Variants in HSDL2 observed in about 807,000 individuals in gnomAD.
The protein encoded by HSDL2 is hydroxysteroid dehydrogenase-like protein 2.
Under a neutral mutation model 46.3 loss-of-function variants are expected in HSDL2, and 27 were observed. The observed-to-expected ratio is 0.58, with a 90% CI of 0.43 to 0.80. The LOEUF is 0.80. HSDL2 is among the 30% of genes least tolerant of loss of function. The pLI is 0.00. For synonymous variants in HSDL2, 153 were observed against 163.6 expected, an observed-to-expected ratio of 0.94 and a Z score of 0.50; for missense variants, 451 against 502.7, an observed-to-expected ratio of 0.90 and a Z score of 0.98.
intron 6 of HSDL2, among the ~76,000 whole-genome samples, chr9:112,430,233 G>C (rs377147829): frequency 6.8e-4 from 104 of 152,252 alleles, no homozygotes; most frequent in African/African-American, 2.3e-3. Flanking sequence ...GTTAGTCTTG[G>C]GGGTAATACA....
chr9:112,445,955 G>A (rs971723682), intron 8 of HSDL2, among the ~76,000 whole-genome samples: 2 of 152,172 alleles, frequency 1.3e-5, no homozygotes, highest in African/African-American at 4.8e-5. Context: ...TGGTACATTT[G>A]TTAGAATTGA....
intron 10 of HSDL2, among the ~76,000 whole-genome samples, chr9:112,462,890 C>T (rs1833256190): frequency 6.6e-6 from 1 of 152,168 alleles, no homozygotes; most frequent in South Asian, 2.1e-4. Context: ...AATTTGCTCT[C>T]TGTCTCTATA....
At chr9:112,392,824 G>T (rs1475942985) in intron 1 of HSDL2, among the ~76,000 whole-genome samples, 1 of 152,182 alleles carries the variant, frequency 6.6e-6, no homozygotes, top group Admixed American at 6.5e-5. Context: ...TACATCCTCA[G>T]CTTACAAAGA....
Position 112,438,437 on chromosome 9 carries a change from A to G in HSDL2, c.605A>G (p.His202Arg). Reference protein sequence around the residue: ...VNALWPKTAIHTAAMDMLGGP... With the variant: ...VNALWPKTAIRTAAMDMLGGP... ...GTGTGTGTTTTCTCTACAGCCATAC[A>G]CACTGCTGCTATGGATATGCTGGGA... Residue 202 changes from histidine to arginine, a missense_variant, in exon 7 of 11, where the codon CAC (histidine) becomes CGC (arginine). His to Arg is a conservative substitution (Grantham distance 29, BLOSUM62 0). Coordinates refer to ENST00000398805, the MANE Select transcript of HSDL2 (RefSeq NM_032303.5). 6.3e-7 allele frequency: 1 copy of G among 1,590,286 alleles called. No individual in the cohort carries two copies. The highest frequency in any genetic ancestry group is 8.6e-7 in the Non-Finnish European group (1 of 1,169,298).
At chr9:112,393,760 G>A (rs1261976613) in intron 1 of HSDL2, among the ~76,000 whole-genome samples, 5 of 152,178 alleles carry the variant, frequency 3.3e-5, no homozygotes, top group East Asian at 3.8e-4. Flanking sequence ...TCTTGAGCTC[G>A]AACCAACATT....
chr9:112,410,972 A>G (rs1225243874), intron 4 of HSDL2, among the ~76,000 whole-genome samples: 1 of 152,184 alleles, frequency 6.6e-6, no homozygotes, highest in Non-Finnish European at 1.5e-5. Flanking sequence ...TAGAAGATTT[A>G]TACAAAAGTC....
chr9:112,392,368 G>T (rs182297804), intron 1 of HSDL2, among the ~76,000 whole-genome samples: 1 of 152,124 alleles, frequency 6.6e-6, no homozygotes, highest in Non-Finnish European at 1.5e-5. Context: ...GCAGAGAACC[G>T]GTTGACCACA....
At chr9:112,402,310 A>G (rs1389717637) in intron 1 of HSDL2, among the ~76,000 whole-genome samples, 2 of 152,120 alleles carry the variant, frequency 1.3e-5, no homozygotes. Flanking sequence ...ACTTAATGAA[A>G]TGGGGGGAGG....
At chr9:112,392,003 C>G (rs1348812673) in intron 1 of HSDL2, among the ~76,000 whole-genome samples, 1 of 152,182 alleles carries the variant, frequency 6.6e-6, no homozygotes, top group South Asian at 2.1e-4. Flanking sequence ...TTCTATTTTC[C>G]TTAAGTGTCG....
intron 6 of HSDL2, among the ~76,000 whole-genome samples, chr9:112,437,240 G>A (rs758810368): frequency 3.3e-5 from 5 of 152,006 alleles, no homozygotes; most frequent in Middle Eastern, 3.2e-3. Flanking sequence ...GATTACAGGC[G>A]TGAGCCACCG....
At chr9:112,409,958 A>G (rs1831822421) in intron 4 of HSDL2, among the ~76,000 whole-genome samples, 1 of 152,106 alleles carries the variant, frequency 6.6e-6, no homozygotes, top group Non-Finnish European at 1.5e-5. Context: ...CAGTCCTTTC[A>G]TAGGACTATT....
intron 8 of HSDL2, among the ~76,000 whole-genome samples, chr9:112,443,023 C>T (rs1832674707): frequency 6.6e-6 from 1 of 151,928 alleles, no homozygotes; most frequent in African/African-American, 2.4e-5. Context: ...AGTATTAAAA[C>T]CAGGAAAAAC....
rs1833142507 is a variant in HSDL2 at position 112,459,594 on chromosome 9, ATTAG to A, written c.1144+20_1144+23del. 1 of 1,608,118 alleles carries A rather than the reference ATTAG, an allele frequency of 6.2e-7. No individual in the cohort carries two copies. Among genetic ancestry groups the A allele is most frequent in the East Asian group, 2.2e-5 (1 of 44,762 alleles). On this transcript the variant is annotated intron_variant, in intron 10 of 10. Transcript: ENST00000398805. ...TGTTTTCAGGTGAGTTTTCCAGTTT[ATTAG>A]TTTACCTTATTGTTCAGAGAAAATT...
chr9:112,451,910 T>C (rs1267417964), intron 8 of HSDL2, among the ~76,000 whole-genome samples: 2 of 152,228 alleles, frequency 1.3e-5, no homozygotes, highest in Non-Finnish European at 2.9e-5. Context: ...TGTAATATCA[T>C]CTTTCTTGAC....
intron 1 of HSDL2, among the ~76,000 whole-genome samples, chr9:112,386,025 A>T (rs1251067436): frequency 6.6e-6 from 1 of 151,854 alleles, no homozygotes. Context: ...CACCCACCTC[A>T]GCCTCCCAAA....
In HSDL2 at chr9:112,404,019, T is replaced by TA. The variant is rs764381819; in HGVS notation, c.43dup (p.Ile15AsnfsTer45). ...GGAGGCTGGCAGGATGTACAGTTTT[T>TA]ATCACAGGTGCAAGCCGTGGCATTG... On this transcript the variant is annotated frameshift_variant, in exon 2 of 11. Coordinates refer to ENST00000398805, the MANE Select transcript of HSDL2 (RefSeq NM_032303.5). LOFTEE classifies it high-confidence loss of function. 6.2e-7 allele frequency: 1 copy of TA among 1,614,160 alleles called. No individual in the cohort carries two copies. Among genetic ancestry groups the TA allele is most frequent in the Admixed American group, 1.7e-5 (1 of 60,014 alleles).
chr9:112,418,950 C>T lies in HSDL2; in HGVS notation c.590C>T (p.Pro197Leu), dbSNP rs778867543. 24 of 1,563,706 alleles carry T rather than the reference C, an allele frequency of 1.5e-5. No individual in the cohort carries two copies. The highest frequency in any genetic ancestry group is 2.0e-5 in the Non-Finnish European group (23 of 1,137,358). The change falls in exon 6 of 11, where the codon CCT (proline) becomes CTT (leucine). Residue 197 changes from proline to leucine, a missense_variant. Transcript: ENST00000398805. ...KGEIAVNALWPKTAIHTAAMD... is the reference protein window; with the variant it reads ...KGEIAVNALWLKTAIHTAAMD... ...GAAATTGCAGTCAATGCATTATGGC[C>T]TAAAACAGGTATGTATTTTTAAAAA...
rs540307804 is a variant in HSDL2 at position 112,391,303 on chromosome 9, C to G, written c.17+11123C>G. On this transcript the variant is annotated intron_variant, in intron 1 of 10. Coordinates refer to ENST00000398805, the MANE Select transcript of HSDL2 (RefSeq NM_032303.5). ...CGACATAGCAAGACCCTGTCCCCCC[C>G]CAAAAAATAAAAAAATTAAATTAAC... 1.4e-3 allele frequency among the ~76,000 whole-genome samples: 212 copies of G among 151,056 alleles called. 2 individuals carry two copies. Among genetic ancestry groups the G allele is most frequent in the African/African-American group, 5.0e-3 (204 of 41,138 alleles).
intron 1 of HSDL2, among the ~76,000 whole-genome samples, chr9:112,394,689 C>T (rs1044686428): frequency 6.6e-6 from 1 of 152,170 alleles, no homozygotes; most frequent in African/African-American, 2.4e-5. Context: ...CAAATGTCCC[C>T]ATTCCCCTGT....
Sources: allele counts gnomAD v4.1 joint callset (sites outside exome capture counted in the v4.1 genomes callset), GRCh38; gene constraint gnomAD v4.1.1; transcripts MANE v1.5; gene names NCBI Gene and HGNC (gene_info 2026-07-23, HGNC 2026-07-21).